Variants in RBFOX1 observed in about 807,000 individuals in gnomAD.
RBFOX1 encodes the protein RNA binding protein fox-1 homolog 1.
In RBFOX1, 8 loss-of-function variants were observed where a neutral mutation model predicts 57.7. The ratio of observed to expected loss-of-function variants is 0.14; its 90% CI spans 0.08 to 0.25. The LOEUF (loss-of-function observed/expected upper bound fraction) is 0.25. RBFOX1 is among the 10% of genes least tolerant of loss of function. The pLI, the probability that RBFOX1 is intolerant of heterozygous loss-of-function variation, is 1.00. For missense variants in RBFOX1, 611 were observed against 548.5 expected, an observed-to-expected ratio of 1.11 and a Z score of -1.14; for synonymous variants, 326 against 222.4, an observed-to-expected ratio of 1.47 and a Z score of -4.15.
intron 4 of RBFOX1, among the ~76,000 whole-genome samples, chr16:7,342,657 G>A (rs914198520): frequency 2.0e-5 from 3 of 152,152 alleles, no homozygotes; most frequent in East Asian, 1.9e-4. Context: ...TTTGGCCTGC[G>A]TGGACAGTGC....
chr16:7,387,708 G>T (rs991035399), intron 4 of RBFOX1, among the ~76,000 whole-genome samples: 2 of 152,082 alleles, frequency 1.3e-5, no homozygotes, highest in African/African-American at 4.8e-5. Flanking sequence ...GGCAGCTGTG[G>T]GCCATCATGG....
chr16:6,078,089 A>T (rs1430085848), intron 1 of RBFOX1, among the ~76,000 whole-genome samples: 1 of 152,174 alleles, frequency 6.6e-6, no homozygotes, highest in African/African-American at 2.4e-5. Context: ...TCTAATCTTT[A>T]GATTTCTCAT....
chr16:6,700,920 A>G (rs534564301), intron 3 of RBFOX1, among the ~76,000 whole-genome samples: 6 of 152,142 alleles, frequency 3.9e-5, no homozygotes, highest in Non-Finnish European at 8.8e-5. Flanking sequence ...TCCTCGGACT[A>G]CTTAACCATT....
intron 2 of RBFOX1, among the ~76,000 whole-genome samples, chr16:6,514,334 G>A (rs868058761): frequency 2.6e-5 from 4 of 152,112 alleles, no homozygotes; most frequent in South Asian, 2.1e-4. Flanking sequence ...GTAGTATGGC[G>A]TGGAGGCTTA....
chr16:5,878,541 G>C (rs943883207), intron 4 of RBFOX1, among the ~76,000 whole-genome samples: 3 of 152,114 alleles, frequency 2.0e-5, no homozygotes, highest in Non-Finnish European at 2.9e-5. Flanking sequence ...AAACCCCCTT[G>C]GGTTAAAGTC....
chr16:7,218,503 C>T (rs770875468), intron 4 of RBFOX1, among the ~76,000 whole-genome samples: 2 of 152,094 alleles, frequency 1.3e-5, no homozygotes, highest in Non-Finnish European at 2.9e-5. Flanking sequence ...AATAGCAAAA[C>T]AGTAACTAGG....
intron 3 of RBFOX1, among the ~76,000 whole-genome samples, chr16:6,698,298 A>G (rs1220353648): frequency 6.6e-6 from 1 of 152,220 alleles, no homozygotes; most frequent in Non-Finnish European, 1.5e-5. Flanking sequence ...GTACATCTAA[A>G]CCAGTCCATT....
intron 4 of RBFOX1, among the ~76,000 whole-genome samples, chr16:5,973,784 G>A (rs575648658): frequency 1.4e-4 from 21 of 152,046 alleles, no homozygotes; most frequent in Non-Finnish European, 2.9e-4. Context: ...TCATTCATTT[G>A]GAGCAAGGAC....
At position 6,842,791 on chromosome 16, in the gene RBFOX1, A is replaced by G. The variant is rs533286725; in HGVS notation, c.-16+188141A>G. Among the ~76,000 whole-genome samples, 17 of 151,954 alleles carry G rather than the reference A, an allele frequency of 1.1e-4. No homozygotes were observed. The East Asian group carries it at 3.3e-3, about 30-fold the overall frequency. On this transcript the variant is annotated intron_variant, in intron 3 of 15. Transcript: ENST00000550418. ...CTAGGTTTTAAGCCCGGCATGCATT[A>G]GGTATTTGTCCTAATGCTCTCCCTC...
intron 1 of RBFOX1, among the ~76,000 whole-genome samples, chr16:5,406,940 G>C (rs998609197): frequency 6.6e-6 from 1 of 152,104 alleles, no homozygotes; most frequent in African/African-American, 2.4e-5. Context: ...AAGTCAGGAG[G>C]GCTTCCCTGA....
At chr16:7,361,493 A>T (rs1429857772) in intron 4 of RBFOX1, among the ~76,000 whole-genome samples, 3 of 152,170 alleles carry the variant, frequency 2.0e-5, no homozygotes, top group African/African-American at 7.2e-5. Context: ...ACACCCTCCT[A>T]GTCCGTGAAA....
chr16:6,908,865 T>C (rs939990294), intron 3 of RBFOX1, among the ~76,000 whole-genome samples: 1 of 152,130 alleles, frequency 6.6e-6, no homozygotes, highest in Admixed American at 6.5e-5. Flanking sequence ...TAAATTAGTT[T>C]ATATAATAAT....
At chr16:6,939,303 C>T (rs1349297888) in intron 3 of RBFOX1, among the ~76,000 whole-genome samples, 3 of 151,874 alleles carry the variant, frequency 2.0e-5, no homozygotes, top group African/African-American at 2.4e-5. Context: ...GCCAATTTTG[C>T]TTGAAATAAC....
intron 3 of RBFOX1, among the ~76,000 whole-genome samples, chr16:5,768,703 C>G (rs2053873718): frequency 6.6e-6 from 1 of 152,124 alleles, no homozygotes; most frequent in South Asian, 2.1e-4. Context: ...ATTCTGAGCC[C>G]AGCCCACGTA....
At chr16:7,023,247 C>T (rs1042731740) in intron 3 of RBFOX1, among the ~76,000 whole-genome samples, 4 of 151,748 alleles carry the variant, frequency 2.6e-5, no homozygotes, top group African/African-American at 9.7e-5. Context: ...GAGGCCAAGG[C>T]GGGTGGATTG....
chr16:6,018,837 A>C (rs2095017775), upstream of RBFOX1, among the ~76,000 whole-genome samples: 1 of 152,028 alleles, frequency 6.6e-6, no homozygotes, highest in Admixed American at 6.5e-5. Context: ...GGACGGGCGC[A>C]GGTGAAAGTC....
chr16:7,122,784 C>G (rs9922702), intron 4 of RBFOX1, among the ~76,000 whole-genome samples: 101,772 of 152,038 alleles, frequency 0.67, 34,747 homozygotes, highest in East Asian at 0.88. Flanking sequence ...GCAACTCTAC[C>G]ATAGCCCCCT....
intron 2 of RBFOX1, among the ~76,000 whole-genome samples, chr16:6,548,694 A>G (rs1036921251): frequency 6.6e-6 from 1 of 152,180 alleles, no homozygotes; most frequent in Non-Finnish European, 1.5e-5. Context: ...AGATTTCACG[A>G]TGTCGCAAGA....
chr16:7,415,125 T>C (rs2098465896), intron 4 of RBFOX1, among the ~76,000 whole-genome samples: 1 of 152,224 alleles, frequency 6.6e-6, no homozygotes, highest in Non-Finnish European at 1.5e-5. Context: ...CTTAAGGAAC[T>C]AATTATTTTG....
Sources: allele counts gnomAD v4.1 joint callset (sites outside exome capture counted in the v4.1 genomes callset), GRCh38; gene constraint gnomAD v4.1.1; transcripts MANE v1.5; gene names NCBI Gene and HGNC (gene_info 2026-07-23, HGNC 2026-07-21).